The following ADCK1 variants were observed in gnomAD, a reference collection of about 807,000 sequenced individuals.
ADCK1 encodes aarF domain-containing protein kinase 1.
A neutral mutation model predicts 52.3 loss-of-function variants in ADCK1; 41 were observed. The observed-to-expected ratio is 0.78, with a 90% confidence interval of 0.61 to 1.02. The LOEUF is 1.02. ADCK1 is among the 50% of genes least tolerant of loss of function. The pLI, the probability that ADCK1 is intolerant of heterozygous loss-of-function variation, is 0.00. For synonymous variants in ADCK1, 250 were observed against 274.6 expected (o/e 0.91, Z 0.89); for missense variants, 658 against 679.5 (o/e 0.97, Z 0.35).
chr14:77,876,900 G>T (rs1380586080), intron 4 of ADCK1, among the ~76,000 whole-genome samples: 1 of 152,196 alleles, frequency 6.6e-6, no homozygotes, highest in Admixed American at 6.5e-5. Flanking sequence ...TTTTTACTGG[G>T]TGCAACATCC....
intron 5 of ADCK1, among the ~76,000 whole-genome samples, chr14:77,888,617 G>A (rs72690672): frequency 0.014 from 2,155 of 152,182 alleles, 21 homozygotes; most frequent in Non-Finnish European, 0.022. Context: ...GAGTGTAATG[G>A]GAGTAAGGGA....
At chr14:77,852,697 A>G (rs1225541258) in intron 3 of ADCK1, among the ~76,000 whole-genome samples, 1 of 80,870 alleles carries the variant, frequency 1.2e-5, no homozygotes, top group Non-Finnish European at 2.5e-5. Context: ...ATATATATAT[A>G]TATATATTTC....
intron 4 of ADCK1, among the ~76,000 whole-genome samples, chr14:77,876,950 C>A (rs903909547): frequency 6.6e-6 from 1 of 152,230 alleles, no homozygotes; most frequent in South Asian, 2.1e-4. Flanking sequence ...TGCAGTGGCT[C>A]ACGCCTGTAA....
chr14:77,900,264 T>A (rs752238391), intron 6 of ADCK1, among the ~76,000 whole-genome samples: 2 of 151,916 alleles, frequency 1.3e-5, no homozygotes, highest in Non-Finnish European at 2.9e-5. Context: ...TGCTTGTTAG[T>A]TTTGTGGGGT....
intron 7 of ADCK1, among the ~76,000 whole-genome samples, chr14:77,915,569 A>G (rs2083904609): frequency 6.6e-6 from 1 of 152,126 alleles, no homozygotes; most frequent in South Asian, 2.1e-4. Flanking sequence ...ACCATGGAAT[A>G]CTATGCAGCC....
intron 3 of ADCK1, among the ~76,000 whole-genome samples, chr14:77,853,717 C>G (rs1450975604): frequency 6.6e-6 from 1 of 152,088 alleles, no homozygotes; most frequent in African/African-American, 2.4e-5. Flanking sequence ...TTGGGTTATT[C>G]TTTTCCTGGA....
At chr14:77,852,883 G>GTGTATA (rs1555351667) in intron 3 of ADCK1, among the ~76,000 whole-genome samples, 17 of 18,508 alleles carry the variant, frequency 9.2e-4, no homozygotes, top group Non-Finnish European at 1.4e-3. Context: ...TTTTATGTGT[G>GTGTATA]TATATATATA....
chr14:77,852,676 T>A lies in ADCK1; in HGVS notation c.220-6400T>A, dbSNP rs934310899. On this transcript the variant is annotated intron_variant, in intron 3 of 10. Transcript: ENST00000238561. ...AAATAAATAAATATATATATATATA[T>A]ATATATATATATATATATATATATA... 2.3e-3 allele frequency among the ~76,000 whole-genome samples: 76 copies of A among 32,854 alleles called. 1 individual carries two copies. Among genetic ancestry groups the A allele is most frequent in the Admixed American group, 4.9e-3 (21 of 4,286 alleles). The allele number at this position is 32,854 out of a possible 152,430, so 21.6% of individuals were successfully genotyped here.
Position 77,934,428 on chromosome 14 carries a change from T to A in ADCK1, c.*1037T>A, listed in dbSNP as rs963896110. ...TCTACTGTTTCCTGACTTATCCCTT[T>A]GGTTCTCATTCAGTGGCCCCAGTTT... On this transcript the variant is annotated 3_prime_UTR_variant, in exon 11 of 11. Transcript: ENST00000238561. The A allele has an allele frequency of 1.3e-4, 20 of 152,340 alleles. No homozygotes were observed. The highest frequency in any genetic ancestry group is 4.8e-4 in the African/African-American group (20 of 41,552). 9.4% of individuals were successfully genotyped at this position (152,340 alleles called of 1,614,324 possible). A position where few individuals can be genotyped will look rare whatever the true frequency, so the allele number is the denominator to read the frequency against.
At chr14:77,900,364 A>G (rs1458498189) in intron 6 of ADCK1, among the ~76,000 whole-genome samples, 1 of 152,000 alleles carries the variant, frequency 6.6e-6, no homozygotes, top group African/African-American at 2.4e-5. Flanking sequence ...AGGTGGGCAG[A>G]TCACTTGAGG....
At chr14:77,910,827 G>C (rs530895728) in intron 7 of ADCK1, among the ~76,000 whole-genome samples, 1 of 152,356 alleles carries the variant, frequency 6.6e-6, no homozygotes, top group African/African-American at 2.4e-5. Flanking sequence ...ACCCTCTGAG[G>C]ACTGGTCTCA....
chr14:77,858,945 T>G, intron 3 of ADCK1, 131 bp from the exon 4 acceptor site: 1 of 780,094 alleles, frequency 1.3e-6, no homozygotes, highest in Non-Finnish European at 2.0e-6. Flanking sequence ...TGTGTGCGTG[T>G]GTGTGCATGC....
intron 6 of ADCK1, among the ~76,000 whole-genome samples, chr14:77,901,970 T>C (rs2140244988): frequency 6.6e-6 from 1 of 152,242 alleles, no homozygotes; most frequent in South Asian, 2.1e-4. Flanking sequence ...CCTCAGGAGC[T>C]CCATGTGCAG....
chr14:77,808,567 CATTT>C (rs140081312), intron 1 of ADCK1, among the ~76,000 whole-genome samples: 7,347 of 152,166 alleles, frequency 0.048, 273 homozygotes, highest in East Asian at 0.17. Flanking sequence ...ACATCCACTA[CATTT>C]ATTTATTTAT....
chr14:77,858,930 G>A (rs995325789), intron 3 of ADCK1, 146 bp from the exon 4 acceptor site: 11 of 683,490 alleles, frequency 1.6e-5, no homozygotes, highest in Middle Eastern at 4.3e-4. Flanking sequence ...GGGAAAAGGT[G>A]TGTGTGTGTG....
intron 4 of ADCK1, 151 bp from the exon 5 acceptor site, chr14:77,886,940 A>C: frequency 1.7e-6 from 1 of 604,256 alleles, no homozygotes; most frequent in Non-Finnish European, 2.4e-6. Context: ...ACACACACAC[A>C]CGCACAACAC....
intron 5 of ADCK1, among the ~76,000 whole-genome samples, chr14:77,895,551 T>C (rs2083390755): frequency 6.6e-6 from 1 of 152,188 alleles, no homozygotes; most frequent in Admixed American, 6.5e-5. Flanking sequence ...AAAAGTCAAA[T>C]TGATAACAAC....
At chr14:77,886,466 G>A (rs1252446553) in intron 4 of ADCK1, among the ~76,000 whole-genome samples, 1 of 152,228 alleles carries the variant, frequency 6.6e-6, no homozygotes, top group Non-Finnish European at 1.5e-5. Flanking sequence ...GTTCTGAAGA[G>A]CACTTCTTTG....
chr14:77,824,204 A>T (rs1020872900), intron 3 of ADCK1, among the ~76,000 whole-genome samples: 1 of 151,976 alleles, frequency 6.6e-6, no homozygotes, highest in East Asian at 2.0e-4. Context: ...GGCTTCATTC[A>T]CTTAATTTTT....
Sources: gnomAD v4.1 joint callset for allele counts (sites outside exome capture counted in the v4.1 genomes callset) on GRCh38, gnomAD v4.1.1 for gene constraint, MANE v1.5 for transcripts, NCBI Gene and HGNC (gene_info 2026-07-23, HGNC 2026-07-21) for gene names.